Variants in CDH13 observed in about 807,000 individuals in gnomAD.
CDH13 encodes the protein cadherin 13.
Under a neutral mutation model 63.8 loss-of-function variants are expected in CDH13, and 24 were observed. The observed-to-expected ratio is 0.38, with a 90% CI of 0.27 to 0.53. CDH13 has a LOEUF of 0.53. Ranked by LOEUF, CDH13 falls within the 20% of genes least tolerant of loss-of-function variation. CDH13 has a pLI of 0.85. For synonymous variants in CDH13, 503 were observed against 355.3 expected, an observed-to-expected ratio of 1.42 and a Z score of -4.67; for missense variants, 1,049 against 903.1, an observed-to-expected ratio of 1.16 and a Z score of -2.07.
At chr16:83,286,085 T>C (rs538872513) in intron 5 of CDH13, among the ~76,000 whole-genome samples, 15 of 152,274 alleles carry the variant, frequency 9.9e-5, no homozygotes, top group African/African-American at 2.9e-4. Flanking sequence ...TCCTCCTCCT[T>C]GTCTGGCAAG....
At chr16:83,512,287 C>G (rs1185991593) in intron 7 of CDH13, among the ~76,000 whole-genome samples, 6 of 150,310 alleles carry the variant, frequency 4.0e-5, no homozygotes, top group Middle Eastern at 7.0e-3. Flanking sequence ...CACCACTGCA[C>G]TCTAGCCTGG....
chr16:83,320,474 A>G (rs1189753672), intron 5 of CDH13, among the ~76,000 whole-genome samples: 1 of 152,222 alleles, frequency 6.6e-6, no homozygotes, highest in Non-Finnish European at 1.5e-5. Flanking sequence ...AGGATGAAAC[A>G]GTTGCCTGAT....
intron 6 of CDH13, among the ~76,000 whole-genome samples, chr16:83,351,117 G>C (rs542244101): frequency 3.3e-5 from 5 of 152,084 alleles, no homozygotes; most frequent in Non-Finnish European, 7.4e-5. Context: ...CCCTTTTCTG[G>C]TTACTTTTTA....
At chr16:83,423,795 C>T (rs916139697) in intron 6 of CDH13, among the ~76,000 whole-genome samples, 7 of 152,216 alleles carry the variant, frequency 4.6e-5, no homozygotes, top group African/African-American at 1.7e-4. Flanking sequence ...TGTCCCTGTT[C>T]TGGTGGCCCT....
chr16:83,113,616 CAG>C (rs1451820991), intron 3 of CDH13, among the ~76,000 whole-genome samples: 1 of 152,096 alleles, frequency 6.6e-6, no homozygotes, highest in Non-Finnish European at 1.5e-5. Context: ...GAAGCTGAGA[CAG>C]GGCTCTAGGG....
intron 11 of CDH13, among the ~76,000 whole-genome samples, chr16:83,769,136 G>A (rs1031955273): frequency 7.2e-5 from 11 of 152,156 alleles, no homozygotes; most frequent in Admixed American, 2.6e-4. Flanking sequence ...AAGAGTACAG[G>A]GTGAAGTCAT....
At chr16:83,148,309 A>G (rs546783235) in intron 4 of CDH13, among the ~76,000 whole-genome samples, 18 of 147,580 alleles carry the variant, frequency 1.2e-4, no homozygotes, top group Non-Finnish European at 2.1e-4. Context: ...GGGTGGTACC[A>G]TGTAGACAAC....
At chr16:83,582,588 G>A (rs932852298) in intron 7 of CDH13, among the ~76,000 whole-genome samples, 1 of 152,144 alleles carries the variant, frequency 6.6e-6, no homozygotes, top group African/African-American at 2.4e-5. Flanking sequence ...TGCCCATAAG[G>A]GTTGTTAGGA....
intron 1 of CDH13, among the ~76,000 whole-genome samples, chr16:82,706,806 A>G (rs545017162): frequency 1.2e-4 from 18 of 152,076 alleles, no homozygotes; most frequent in African/African-American, 4.3e-4. Flanking sequence ...TCTGTCTCAA[A>G]AAAAAAATAA....
intron 7 of CDH13, among the ~76,000 whole-genome samples, chr16:83,590,676 A>G (rs1012281535): frequency 3.3e-5 from 5 of 152,216 alleles, no homozygotes; most frequent in African/African-American, 1.2e-4. Context: ...TGCATCATAA[A>G]TGGGTGAGTT....
chr16:82,696,292 TCA>T (rs1195365889), intron 1 of CDH13, among the ~76,000 whole-genome samples: 1 of 152,210 alleles, frequency 6.6e-6, no homozygotes, highest in Non-Finnish European at 1.5e-5. Flanking sequence ...AAAGTGTCAC[TCA>T]CTCTATATAT....
chr16:83,307,598 A>T (rs2089908970), intron 5 of CDH13, among the ~76,000 whole-genome samples: 1 of 152,218 alleles, frequency 6.6e-6, no homozygotes, highest in South Asian at 2.1e-4. Context: ...GGGTTTCGTT[A>T]TGTTTGGTTA....
At chr16:82,954,672 A>G (rs889860694) in intron 2 of CDH13, 2 of 151,062 alleles carry the variant, frequency 1.3e-5, no homozygotes, top group African/African-American at 2.4e-5. Flanking sequence ...AAAGTGTAGC[A>G]CTCCATGGTT....
chr16:83,053,891 G>A (rs924625791), intron 3 of CDH13, among the ~76,000 whole-genome samples: 5 of 152,178 alleles, frequency 3.3e-5, no homozygotes, highest in South Asian at 2.1e-4. Flanking sequence ...CAAAGTCTGT[G>A]TATGTATATA....
chr16:83,629,094 T>G (rs1433863001), intron 8 of CDH13, among the ~76,000 whole-genome samples: 1 of 152,224 alleles, frequency 6.6e-6, no homozygotes, highest in Admixed American at 6.5e-5. Flanking sequence ...TTTTTGTATT[T>G]GTAACAGACT....
intron 3 of CDH13, among the ~76,000 whole-genome samples, chr16:83,083,672 C>A (rs533128714): frequency 6.6e-6 from 1 of 152,132 alleles, no homozygotes; most frequent in African/African-American, 2.4e-5. Flanking sequence ...CTCGATAGAA[C>A]TATAGTTGGA....
chr16:82,701,248 G>C (rs1453992682), intron 1 of CDH13, among the ~76,000 whole-genome samples: 1 of 151,976 alleles, frequency 6.6e-6, no homozygotes, highest in Non-Finnish European at 1.5e-5. Context: ...TTTCAACCTT[G>C]GGCATGGCCC....
intron 11 of CDH13, among the ~76,000 whole-genome samples, chr16:83,778,453 C>T (rs1320900985): frequency 6.6e-6 from 1 of 151,596 alleles, no homozygotes; most frequent in African/African-American, 2.4e-5. Flanking sequence ...TCACTTGAAC[C>T]GAGGAGGCAG....
At chr16:83,251,280 A>G (rs1031875824) in intron 5 of CDH13, among the ~76,000 whole-genome samples, 2 of 152,228 alleles carry the variant, frequency 1.3e-5, no homozygotes, top group Non-Finnish European at 2.9e-5. Flanking sequence ...TAATGAGAGA[A>G]AAAGCTCTAT....
Sources: allele counts gnomAD v4.1 joint callset (sites outside exome capture counted in the v4.1 genomes callset), GRCh38; gene constraint gnomAD v4.1.1; transcripts MANE v1.5; gene names NCBI Gene and HGNC (gene_info 2026-07-23, HGNC 2026-07-21).